Variants in DNAH2 observed in about 807,000 individuals in gnomAD.
DNAH2 encodes the protein dynein axonemal heavy chain 2.
DNAH2 carries 323 observed loss-of-function variants against 523.5 expected under a neutral mutation model. The observed-to-expected ratio is 0.62, with a 90% CI of 0.56 to 0.68. The LOEUF is 0.68. DNAH2 is among the 30% of genes least tolerant of loss of function. The pLI is 0.00. For missense variants in DNAH2, 4,907 were observed against 5,701.5 expected (o/e 0.86, Z 4.49); for synonymous variants, 2,093 against 2,177.4 (o/e 0.96, Z 1.08).
chr17:7,830,300 G>A lies in DNAH2; in HGVS notation c.11854G>A (p.Gly3952Ser), dbSNP rs1274032070. 6.2e-7 allele frequency: 1 copy of A among 1,613,424 alleles called. No homozygotes were observed. Among genetic ancestry groups the A allele is most frequent in the East Asian group, 2.2e-5 (1 of 44,894 alleles). Reference sequence around the variant, plus strand: ...CATCTTTATATTTCATTGTCCCCAGGGCCTAAAGGCCAACATGACACGTCT... The same window carrying A: ...CATCTTTATATTTCATTGTCCCCAGAGCCTAAAGGCCAACATGACACGTCT... ...SIKMTTEPPK[G>S]LKANMTRLYQ... Residue 3952 changes from glycine (G) to serine (S), a missense_variant and splice_region_variant, in exon 78 of 86, where the codon GGC (glycine) becomes AGC (serine). Transcript: ENST00000572933.
In DNAH2 at chr17:7,780,799, G is replaced by A. The variant is rs1324692326; in HGVS notation, c.6003+17G>A. On this transcript the variant is annotated intron_variant, in intron 38 of 85. Transcript: ENST00000572933. This position sits in a 1 kb window ranked among gnomAD's most constrained non-coding sequence, Gnocchi z 4.4. The stretch of plus-strand genomic sequence containing the variant: ...GATGAAGAGGTAGAGCAAGGACACA[G>A]CCTTTGGACCTGACTTCCACTGTCA... 6.2e-7 allele frequency: 1 copy of A among 1,614,088 alleles called. No homozygotes were observed. The highest frequency in any genetic ancestry group is 1.1e-5 in the South Asian group (1 of 91,078).
intron 4 of DNAH2, 107 bp downstream of exon 4, chr17:7,727,399 T>G: frequency 7.1e-7 from 1 of 1,403,744 alleles, no homozygotes; most frequent in Non-Finnish European, 9.6e-7. Flanking sequence ...CACGGCCTAT[T>G]GAGCCCCACT....
intron 3 of DNAH2, among the ~76,000 whole-genome samples, chr17:7,725,272 T>C (rs1444354088): frequency 6.7e-6 from 1 of 149,998 alleles, no homozygotes; most frequent in Non-Finnish European, 1.5e-5. Context: ...GTATTTTTAG[T>C]AGAGACGGGG....
rs766341264 is a variant in DNAH2, at chr17:7,743,243, C to T, written c.1904+101C>T. The stretch of plus-strand genomic sequence containing the variant: ...GACTCCTCTCTTCATTATTCTCTCT[C>T]TTTCTCATACAATATGTTTGCTATC... On this transcript the variant is annotated intron_variant, in intron 12 of 85. Transcript: ENST00000572933. 3 of 1,219,200 alleles carry T rather than the reference C, an allele frequency of 2.5e-6. No individual in the cohort carries two copies. The South Asian group carries it at 3.8e-5, about 16-fold the overall frequency. The allele number at this position is 1,219,200 out of a possible 1,614,324, so 75.5% of individuals were successfully genotyped here. A position where few individuals can be genotyped will look rare whatever the true frequency, so the allele number is the denominator to read the frequency against.
chr17:7,765,450 G>A lies in DNAH2; in HGVS notation c.3396G>A (p.Leu1132=). 6.2e-7 allele frequency: 1 copy of A among 1,614,124 alleles called. No individual in the cohort carries two copies. The highest frequency in any genetic ancestry group is 2.2e-5 in the East Asian group (1 of 44,900). The part of the protein sequence containing the change: ...GEWVVFQQTL[L]DSKQMLKKHK... ...GGGTTGTCTTCCAACAAACTCTGCT[G>A]GACAGTAAGCAAATGCTGAAGAAAC... is the stretch of plus-strand genomic sequence containing the variant. The change falls in exon 21 of 86, where the codon CTG becomes CTA. Residue 1132 remains leucine (L), a synonymous_variant. Coordinates refer to ENST00000572933, the MANE Select transcript of DNAH2 (RefSeq NM_020877.5).
chr17:7,804,542 C>A, intron 59 of DNAH2, 76 bp downstream of exon 59: 6 of 1,511,160 alleles, frequency 4.0e-6, no homozygotes, highest in Non-Finnish European at 4.5e-6. Flanking sequence ...CCATGTTCCC[C>A]CCTTCTTAAA....
At position 7,786,134 on chromosome 17, in the gene DNAH2, C is replaced by T; in HGVS notation, c.6140C>T (p.Thr2047Ile). 1 of 1,613,970 alleles carries T rather than the reference C, an allele frequency of 6.2e-7. No homozygotes were observed. The highest frequency in any genetic ancestry group is 8.5e-7 in the Non-Finnish European group (1 of 1,180,016). ...PVIDYGKLRE[T>I]VEQEIRDMGL... is the part of the protein sequence containing the mutation. ...TTTCCCTTCCCTCAGCTGCGGGAGA[C>T]CGTTGAGCAGGAGATTCGAGACATG... Residue 2047 changes from threonine (T) to isoleucine (I), a missense_variant, in exon 40 of 86, where the codon ACC becomes ATC. By Grantham distance (89) the Thr-to-Ile change is moderately conservative. This residue lies in a region of DNAH2 where 2,806 missense variants were observed against 3,190.8 expected (regional missense o/e 0.88). Transcript: ENST00000572933. The surrounding 1 kb of genome is among the most constrained non-coding windows in gnomAD (Gnocchi z 7.5).
At chr17:7,804,537 T>G in intron 59 of DNAH2, 71 bp downstream of exon 59, 1 of 1,527,352 alleles carries the variant, frequency 6.5e-7, no homozygotes, top group Non-Finnish European at 8.9e-7. Flanking sequence ...GGAACCCATG[T>G]TCCCCCCTTC....
At chr17:7,824,401 T>G in intron 76 of DNAH2, 97 bp downstream of exon 76, 1 of 1,450,034 alleles carries the variant, frequency 6.9e-7, no homozygotes, top group Non-Finnish European at 9.1e-7. Context: ...TACCTCCCAC[T>G]TCTACAGAGG....
chr17:7,798,225 G>A lies in DNAH2; in HGVS notation c.8299G>A (p.Gly2767Arg), dbSNP rs141742705. 9.3e-6 allele frequency: 15 copies of A among 1,613,660 alleles called. No homozygotes were observed. The East Asian group carries it at 1.8e-4, about 19-fold the overall frequency. ...NMLLVGIGGS[G>R]RQSLARLASS... Reference sequence around the variant, plus strand: ...GCTCCTGGTGGGTATCGGGGGCAGCGGACGCCAGAGTCTGGCCCGCCTGGC... The same window carrying A: ...GCTCCTGGTGGGTATCGGGGGCAGCAGACGCCAGAGTCTGGCCCGCCTGGC... Residue 2767 changes from glycine (G) to arginine (R), a missense_variant, in exon 54 of 86, where the codon GGA becomes AGA. By Grantham distance (125) the Gly-to-Arg change is moderately radical (BLOSUM62 -2). Transcript: ENST00000572933. This position sits in a 1 kb window ranked among gnomAD's most constrained non-coding sequence, Gnocchi z 5.5.
At chr17:7,731,515 C>G (rs1330201263) in intron 4 of DNAH2, among the ~76,000 whole-genome samples, 3 of 151,666 alleles carry the variant, frequency 2.0e-5, no homozygotes, top group African/African-American at 7.3e-5. Context: ...ACAGCTTGCT[C>G]CTATTTAAAA....
At chr17:7,799,403 C>T (rs1459006911) in intron 56 of DNAH2, among the ~76,000 whole-genome samples, 161 bp downstream of exon 56, 1 of 152,222 alleles carries the variant, frequency 6.6e-6, no homozygotes, top group East Asian at 1.9e-4. Context: ...TCAGGAAGTT[C>T]CTTTGGTGGA....
chr17:7,779,519 AT>A, intron 36 of DNAH2, 96 bp downstream of exon 36: 1 of 1,319,510 alleles, frequency 7.6e-7, no homozygotes. Flanking sequence ...TTCCATGCGA[AT>A]GTATATAGCT....
intron 12 of DNAH2, among the ~76,000 whole-genome samples, chr17:7,745,002 T>C (rs2075474133): frequency 1.3e-5 from 2 of 152,046 alleles, no homozygotes; most frequent in South Asian, 4.1e-4. Context: ...ATTTCTTTTT[T>C]TTTTTTTCTT....
At chr17:7,784,509 C>T (rs2076683896) in intron 39 of DNAH2, among the ~76,000 whole-genome samples, 1 of 152,146 alleles carries the variant, frequency 6.6e-6, no homozygotes, top group Admixed American at 6.6e-5. Context: ...TACCACTGCA[C>T]TCCAGCCTGG....
In DNAH2 at chr17:7,786,834, G is replaced by A. The variant is rs1250284145; in HGVS notation, c.6467-63G>A. 6.2e-7 allele frequency: 1 copy of A among 1,610,810 alleles called. No homozygotes were observed. The highest frequency in any genetic ancestry group is 1.3e-5 in the African/African-American group (1 of 74,986). ...GAGTGTAGGCTTGTGTCTCCGAGGAGCGTGAGCGGAGGGTGCAAGGTGAGC... is the reference window on the plus strand; with the variant it reads ...GAGTGTAGGCTTGTGTCTCCGAGGAACGTGAGCGGAGGGTGCAAGGTGAGC... On this transcript the variant is annotated intron_variant, in intron 41 of 85. Coordinates refer to ENST00000572933, the MANE Select transcript of DNAH2 (RefSeq NM_020877.5). The surrounding 1 kb of genome is among the most constrained non-coding windows in gnomAD (Gnocchi z 7.5).
chr17:7,723,182 G>A lies in DNAH2; in HGVS notation c.167-446G>A, dbSNP rs559766596. 8.0e-5 allele frequency among the ~76,000 whole-genome samples: 12 copies of A among 150,432 alleles called. No homozygotes were observed. In the East Asian group the frequency reaches 2.4e-3, roughly 30 times the overall value. On this transcript the variant is annotated intron_variant, in intron 2 of 85. Transcript: ENST00000572933. The stretch of plus-strand genomic sequence containing the variant: ...AGACGGGGTTTCACCGTATTAGTCA[G>A]GATGGTCTTGATCTCCTGACCTCAT...
intron 56 of DNAH2, among the ~76,000 whole-genome samples, chr17:7,800,669 ATCC>A (rs2077197235): frequency 6.7e-6 from 1 of 150,356 alleles, no homozygotes; most frequent in Non-Finnish European, 1.5e-5. Flanking sequence ...GATCGAGACC[ATCC>A]TGGCTAACAC....
chr17:7,831,902 A>G lies in DNAH2; in HGVS notation c.12726+127A>G. The G allele has an allele frequency of 1.3e-6, 1 of 758,804 alleles. No individual in the cohort carries two copies. Among genetic ancestry groups the G allele is most frequent in the Non-Finnish European group, 2.1e-6 (1 of 478,892 alleles). 47.0% of individuals were successfully genotyped at this position (758,804 alleles called of 1,614,324 possible). A position where few individuals can be genotyped will look rare whatever the true frequency, so the allele number is the denominator to read the frequency against. ...GAGAGCCGAAACTTTGAAGTTAGAT[A>G]GGTTCAAGGTTAAAACCTGGCTCTG... On this transcript the variant is annotated intron_variant, in intron 82 of 85. Transcript: ENST00000572933. This position sits in a 1 kb window ranked among gnomAD's most constrained non-coding sequence, Gnocchi z 4.2.
Sources: allele counts gnomAD v4.1 joint callset (sites outside exome capture counted in the v4.1 genomes callset), GRCh38; gene constraint gnomAD v4.1.1; regional missense constraint gnomAD v4.1.1; non-coding constraint Gnocchi (gnomAD v3.1); transcripts MANE v1.5; gene names NCBI Gene and HGNC (gene_info 2026-07-23, HGNC 2026-07-21).